The following ENOX2 variants were observed in gnomAD, a reference collection of about 807,000 sequenced individuals.
The protein encoded by ENOX2 is ecto-NOX disulfide-thiol exchanger 2.
A neutral mutation model predicts 45.0 loss-of-function variants in ENOX2; 36 were observed. The ratio of observed to expected loss-of-function variants is 0.80; its 90% confidence interval spans 0.61 to 1.06. The LOEUF is 1.06. ENOX2 is among the 50% of genes least tolerant of loss of function. The probability of loss-of-function intolerance (pLI) is 0.00; values close to 1 mark genes in which losing one functional copy is unlikely to be tolerated. For synonymous variants in ENOX2, 174 were observed against 152.3 expected (o/e 1.14, Z -1.05); for missense variants, 423 against 462.5 (o/e 0.91, Z 0.78).
intron 2 of ENOX2, among the ~76,000 whole-genome samples, chrX:130,879,195 G>A (rs958824055): frequency 9.0e-6 from 1 of 111,718 alleles, no homozygotes; most frequent in African/African-American, 3.3e-5. Flanking sequence ...GCAAGAGTCA[G>A]CAGTCTCTTA....
chrX:130,645,622 T>A, intron 10 of ENOX2: 1 of 388,652 alleles, frequency 2.6e-6, no homozygotes. Context: ...CCGCAGGCCA[T>A]GGGGCCCGCG....
At chrX:130,830,619 TTCTG>T (rs753533107) in intron 2 of ENOX2, among the ~76,000 whole-genome samples, 47 of 112,278 alleles carry the variant, frequency 4.2e-4, no homozygotes, top group Non-Finnish European at 6.6e-4. Flanking sequence ...GCATCATCAT[TTCTG>T]TCTTTCTACT....
intron 12 of ENOX2, among the ~76,000 whole-genome samples, chrX:130,632,407 TGACCAG>T (rs1228666350): frequency 1.1e-5 from 1 of 90,035 alleles, no homozygotes; most frequent in Non-Finnish European, 2.2e-5. Context: ...GTGAAATCCA[TGACCAG>T]CAGTCAAACT....
At position 130,625,135 on chromosome X, in the gene ENOX2, A is replaced by G. The variant is rs2035508918; in HGVS notation, c.*179T>C. ...TTGTGGTTTGAGGCAATTTCTCTTTAGGGCCTGTAGTTCGAGGTGCTGTCC... is the reference window on the plus strand; with the variant it reads ...TTGTGGTTTGAGGCAATTTCTCTTTGGGGCCTGTAGTTCGAGGTGCTGTCC... On this transcript the variant is annotated 3_prime_UTR_variant, in exon 15 of 15. Transcript: ENST00000394363. 6.5e-6 allele frequency: 3 copies of G among 459,526 alleles called. No individual in the cohort carries two copies. The highest frequency in any genetic ancestry group is 4.5e-5 in the Admixed American group (1 of 22,108). 37.9% of individuals were successfully genotyped at this position (459,526 alleles called of 1,213,427 possible).
intron 2 of ENOX2, among the ~76,000 whole-genome samples, chrX:130,845,914 G>A (rs1444708855): frequency 8.9e-6 from 1 of 112,346 alleles, no homozygotes. Context: ...CAGAAAAAAA[G>A]AAAACTTTCA....
Position 130,631,550 on chromosome X carries a change from G to A in ENOX2, c.1446C>T (p.Ala482=), listed in dbSNP as rs772267741. Residue 482 remains alanine (A), a synonymous_variant, in exon 13 of 15, where the codon GCC becomes GCT. Coordinates refer to ENST00000394363, the MANE Select transcript of ENOX2 (RefSeq NM_006375.4). ...GAGGGTATTCGCTATCCTGGTTTGA[G>A]GCACACAGCCTAGAAGCACAGCTTT... is the stretch of plus-strand genomic sequence containing the variant. ...EKESCASRLC[A]SNQDSEYPLE... is the part of the protein sequence containing the mutation. The A allele has an allele frequency of 8.4e-7, 1 of 1,197,248 alleles. No individual in the cohort carries two copies. The highest frequency in any genetic ancestry group is 1.8e-5 in the South Asian group (1 of 56,657).
intron 2 of ENOX2, among the ~76,000 whole-genome samples, chrX:130,791,558 C>T (rs147453812): frequency 2.0e-4 from 22 of 111,862 alleles, no homozygotes; most frequent in Non-Finnish European, 3.2e-4. Flanking sequence ...CTCAGTGAGT[C>T]ACAAATTTTT....
intron 2 of ENOX2, among the ~76,000 whole-genome samples, chrX:130,869,228 A>T (rs2078534233): frequency 9.0e-6 from 1 of 110,919 alleles, no homozygotes; most frequent in Non-Finnish European, 1.9e-5. Context: ...TCCATTTTTC[A>T]CAAATCCTTT....
chrX:130,784,781 T>C (rs1458374336), intron 2 of ENOX2, among the ~76,000 whole-genome samples: 2 of 107,527 alleles, frequency 1.9e-5, no homozygotes, highest in Non-Finnish European at 1.9e-5. Flanking sequence ...AGAGATGAGG[T>C]TTTGCCATGT....
chrX:130,891,207 T>C (rs368177551), intron 2 of ENOX2, among the ~76,000 whole-genome samples: 1 of 104,411 alleles, frequency 9.6e-6, no homozygotes, highest in African/African-American at 3.7e-5. Flanking sequence ...TTTTAAAAAG[T>C]TTTTTTTTTA....
intron 2 of ENOX2, among the ~76,000 whole-genome samples, chrX:130,865,298 A>G (rs958273520): frequency 9.0e-6 from 1 of 111,384 alleles, no homozygotes; most frequent in Non-Finnish European, 1.9e-5. Flanking sequence ...GGCTACCAGC[A>G]GGGTCTTGGT....
At chrX:130,705,037 C>A (rs1481498085) in intron 3 of ENOX2, among the ~76,000 whole-genome samples, 1 of 112,450 alleles carries the variant, frequency 8.9e-6, no homozygotes, top group African/African-American at 3.2e-5. Context: ...GATAATTAGT[C>A]TACTTGGACT....
chrX:130,875,622 T>A (rs1437696394), intron 2 of ENOX2, among the ~76,000 whole-genome samples: 2 of 111,761 alleles, frequency 1.8e-5, no homozygotes, highest in Non-Finnish European at 3.8e-5. Flanking sequence ...TATAGTTGGA[T>A]CCCTGCCTCA....
At chrX:130,642,794 G>A (rs5975212) in intron 10 of ENOX2, among the ~76,000 whole-genome samples, 229 of 112,321 alleles carry the variant, frequency 2.0e-3, no homozygotes, top group African/African-American at 7.1e-3. Flanking sequence ...TAGCAATACA[G>A]TCTTTTAAAA....
At chrX:130,784,467 T>C (rs1370176505) in intron 2 of ENOX2, among the ~76,000 whole-genome samples, 1 of 111,708 alleles carries the variant, frequency 9.0e-6, no homozygotes, top group African/African-American at 3.3e-5. Flanking sequence ...CTTCATGAAA[T>C]GTGAAATCAA....
At chrX:130,709,661 G>GAAAAGA (rs1324763394) in intron 3 of ENOX2, among the ~76,000 whole-genome samples, 1 of 101,585 alleles carries the variant, frequency 9.8e-6, no homozygotes, top group African/African-American at 3.6e-5. Context: ...AAAAAGAAAA[G>GAAAAGA]AAAAGAAAAA....
intron 12 of ENOX2, among the ~76,000 whole-genome samples, chrX:130,631,822 T>TC (rs1317035264): frequency 4.6e-5 from 5 of 108,416 alleles, no homozygotes; most frequent in African/African-American, 1.7e-4. Flanking sequence ...TTTTTTTTTT[T>TC]CTGCCTTCAT....
chrX:130,745,488 G>A (rs2039079024), intron 3 of ENOX2, among the ~76,000 whole-genome samples: 2 of 112,016 alleles, frequency 1.8e-5, no homozygotes, highest in South Asian at 3.8e-4. Flanking sequence ...GACACATTTG[G>A]AGGATCCTGG....
At chrX:130,708,765 G>A (rs2038104829) in intron 3 of ENOX2, among the ~76,000 whole-genome samples, 2 of 112,154 alleles carry the variant, frequency 1.8e-5, no homozygotes, top group Admixed American at 1.9e-4. Flanking sequence ...AGAAGCAGGT[G>A]TCAAGCTATT....
Sources: gnomAD v4.1 joint callset for allele counts (sites outside exome capture counted in the v4.1 genomes callset) on GRCh38, gnomAD v4.1.1 for gene constraint, MANE v1.5 for transcripts, NCBI Gene and HGNC (gene_info 2026-07-23, HGNC 2026-07-21) for gene names.